Variants in WDR49 observed in about 807,000 individuals in gnomAD.
The protein encoded by WDR49 is cilia- and flagella-associated protein 337.
In WDR49, 107 loss-of-function variants were observed where a neutral mutation model predicts 119.5. The ratio of observed to expected loss-of-function variants is 0.90; its 90% CI spans 0.77 to 1.05. The LOEUF is 1.05. WDR49 is among the 50% of genes least tolerant of loss of function. WDR49 has a pLI of 0.00. For missense variants in WDR49, 1,240 were observed against 1,220.5 expected, an observed-to-expected ratio of 1.02 and a Z score of -0.24; for synonymous variants, 425 against 418.8, an observed-to-expected ratio of 1.01 and a Z score of -0.18.
chr3:167,609,810 G>A (rs868848938), intron 5 of WDR49, among the ~76,000 whole-genome samples: 4 of 152,152 alleles, frequency 2.6e-5, no homozygotes, highest in African/African-American at 9.7e-5. Flanking sequence ...GGAGAGGAGA[G>A]GGAAGAGTGG....
chr3:167,588,884 G>A (rs910282873), intron 7 of WDR49, among the ~76,000 whole-genome samples: 13 of 151,574 alleles, frequency 8.6e-5, no homozygotes, highest in Non-Finnish European at 1.5e-4. Flanking sequence ...CCGTTCTGTG[G>A]GTTGTTTCTT....
intron 9 of WDR49, among the ~76,000 whole-genome samples, chr3:167,558,820 GT>G (rs1446706306): frequency 1.3e-5 from 2 of 152,042 alleles, no homozygotes; most frequent in African/African-American, 4.8e-5. Context: ...AACCTAATCC[GT>G]TCACTCCAAT....
At chr3:167,551,580 C>T (rs970237999) in intron 10 of WDR49, among the ~76,000 whole-genome samples, 3 of 151,956 alleles carry the variant, frequency 2.0e-5, no homozygotes, top group Non-Finnish European at 2.9e-5. Flanking sequence ...TCTAACTCAG[C>T]GGCCTACTAA....
chr3:167,481,229 T>C (rs1326266450), intron 18 of WDR49, among the ~76,000 whole-genome samples: 2 of 152,174 alleles, frequency 1.3e-5, no homozygotes, highest in East Asian at 1.9e-4. Context: ...CCAAAAAATA[T>C]TGCCATTGCA....
chr3:167,500,212 A>C lies in WDR49; in HGVS notation c.2972T>G (p.Phe991Cys). ...PAFLLDPEKY[F>C]RKEPEEERPQ... ...ACGCTCTTCCTCTGGTTCTTTCCTA[A>C]AGTATTTCTCAGGGTCTAGAAGGAA... The change falls in exon 18 of 19, where the codon TTT (phenylalanine) becomes TGT (cysteine). Residue 991 changes from phenylalanine to cysteine, a missense_variant. Physicochemically the swap from Phe to Cys is radical, Grantham distance 205. Transcript: ENST00000682715. The C allele has an allele frequency of 6.3e-7, 1 of 1,596,628 alleles. No homozygotes were observed. The highest frequency in any genetic ancestry group is 8.5e-7 in the Non-Finnish European group (1 of 1,175,398).
intron 10 of WDR49, among the ~76,000 whole-genome samples, chr3:167,543,096 G>T (rs1442222604): frequency 6.6e-6 from 1 of 151,556 alleles, no homozygotes; most frequent in Non-Finnish European, 1.5e-5. Context: ...AAATCGGGAA[G>T]AAATAGAAAC....
Position 167,604,168 on chromosome 3 carries a change from C to T in WDR49, c.1126+133G>A, listed in dbSNP as rs1560308790. On this transcript the variant is annotated intron_variant, in intron 6 of 18. Transcript: ENST00000682715. ...TGCATCATTATCAGACATTCTCAGG[C>T]AGTAAAATGTGAGCTTCTCGAGATG... 7.1e-6 allele frequency: 7 copies of T among 992,666 alleles called. No homozygotes were observed. The East Asian group carries it at 1.6e-4, about 22-fold the overall frequency. The allele number at this position is 992,666 out of a possible 1,614,324, so 61.5% of individuals were successfully genotyped here. A position where few individuals can be genotyped will look rare whatever the true frequency, so the allele number is the denominator to read the frequency against.
chr3:167,585,746 A>G (rs1433849767), intron 7 of WDR49, among the ~76,000 whole-genome samples: 1 of 151,954 alleles, frequency 6.6e-6, no homozygotes, highest in Non-Finnish European at 1.5e-5. Flanking sequence ...TTATAATGAC[A>G]TATTATTATA....
intron 15 of WDR49, among the ~76,000 whole-genome samples, chr3:167,526,722 C>T (rs984861326): frequency 1.3e-5 from 2 of 152,132 alleles, no homozygotes; most frequent in Non-Finnish European, 2.9e-5. Context: ...TTACCAACAC[C>T]CTCTGCATCC....
At chr3:167,535,325 A>G (rs1458883045) in intron 11 of WDR49, among the ~76,000 whole-genome samples, 1 of 152,018 alleles carries the variant, frequency 6.6e-6, no homozygotes, top group Non-Finnish European at 1.5e-5. Context: ...GGGAGAAGAT[A>G]GTTGCAAACT....
Position 167,516,354 on chromosome 3 carries a change from G to GT in WDR49, c.2774+5960dup, listed in dbSNP as rs573257772. Among the ~76,000 whole-genome samples, 802 of 150,536 alleles carry GT rather than the reference G, an allele frequency of 5.3e-3. 8 individuals carry two copies. The highest frequency in any genetic ancestry group is 9.3e-3 in the Non-Finnish European group (634 of 67,816). ...TATGAGTGAGAACATGTGGTGTTTGGTTTTTTGTCCTTGCAATAGTTTGCT... is the reference window on the plus strand; with the variant it reads ...TATGAGTGAGAACATGTGGTGTTTGGTTTTTTTGTCCTTGCAATAGTTTGCT... On this transcript the variant is annotated intron_variant, in intron 16 of 18. Coordinates refer to ENST00000682715, the MANE Select transcript of WDR49 (RefSeq NM_001366157.1).
At chr3:167,652,837 T>G (rs990374544) in intron 2 of WDR49, among the ~76,000 whole-genome samples, 5 of 152,164 alleles carry the variant, frequency 3.3e-5, no homozygotes, top group African/African-American at 4.8e-5. Context: ...GGAAATTTTT[T>G]GCAAACTGGG....
intron 8 of WDR49, 42 bp downstream of exon 8, chr3:167,575,876 G>A: frequency 6.3e-7 from 1 of 1,585,984 alleles, no homozygotes; most frequent in Non-Finnish European, 8.6e-7. Context: ...CTCTGGACTT[G>A]GAGATATGTT....
Position 167,505,415 on chromosome 3 carries a change from C to A in WDR49, c.2776G>T (p.Val926Phe). ...KKNKDDSTYN[V>F]RPSEDINLDI... Reference sequence around the variant, plus strand: ...AAATTTATATCTTCTGATGGTCTGACACTGGAAGAAAATATTTCATGATGA... The same window carrying A: ...AAATTTATATCTTCTGATGGTCTGAAACTGGAAGAAAATATTTCATGATGA... Residue 926 changes from valine to phenylalanine, a missense_variant and splice_region_variant, in exon 17 of 19, where the codon GTC becomes TTC. Val to Phe is a conservative substitution (Grantham distance 50). Transcript: ENST00000682715. 1 of 1,511,488 alleles carries A rather than the reference C, an allele frequency of 6.6e-7. No individual in the cohort carries two copies. The highest frequency in any genetic ancestry group is 8.8e-7 in the Non-Finnish European group (1 of 1,139,222). The allele number at this position is 1,511,488 out of a possible 1,614,324, so 93.6% of individuals were successfully genotyped here. A position where few individuals can be genotyped will look rare whatever the true frequency, so the allele number is the denominator to read the frequency against.
chr3:167,618,289 C>T (rs1191632388), intron 5 of WDR49, among the ~76,000 whole-genome samples: 1 of 152,098 alleles, frequency 6.6e-6, no homozygotes, highest in East Asian at 1.9e-4. Context: ...AATAAGGTGA[C>T]TTGTGTTAGT....
intron 2 of WDR49, among the ~76,000 whole-genome samples, chr3:167,652,873 CTA>C (rs1718453433): frequency 6.6e-6 from 1 of 152,048 alleles, no homozygotes; most frequent in Non-Finnish European, 1.5e-5. Flanking sequence ...TTGCTGAGTT[CTA>C]TGTCCGTATT....
chr3:167,635,494 A>T lies in WDR49; in HGVS notation c.166-8202T>A, dbSNP rs532743307. Among the ~76,000 whole-genome samples the T allele has an allele frequency of 2.6e-3, 399 of 151,860 alleles. 1 individual carries two copies. Among genetic ancestry groups the T allele is most frequent in the African/African-American group, 9.2e-3 (383 of 41,506 alleles). Reference sequence around the variant, plus strand: ...CTGCCAACCCTTAGAAATGTTGTTTATATTTTTGTGCCCTCTTTCCAATAG... The same window carrying T: ...CTGCCAACCCTTAGAAATGTTGTTTTTATTTTTGTGCCCTCTTTCCAATAG... On this transcript the variant is annotated intron_variant, in intron 2 of 18. Coordinates refer to ENST00000682715, the MANE Select transcript of WDR49 (RefSeq NM_001366157.1).
chr3:167,621,460 C>A lies in WDR49; in HGVS notation c.783+7G>T, dbSNP rs1475553952. The A allele has an allele frequency of 1.3e-6, 2 of 1,524,358 alleles. No individual in the cohort carries two copies. The highest frequency in any genetic ancestry group is 1.8e-6 in the Non-Finnish European group (2 of 1,140,744). The allele number at this position is 1,524,358 out of a possible 1,614,324, so 94.4% of individuals were successfully genotyped here. ...ATAGTATTCAATCTTAATCTACCCT[C>A]ACTTACCTTTCCAGTTATATCCCCA... On this transcript the variant is annotated splice_region_variant and intron_variant, in intron 4 of 18. Transcript: ENST00000682715.
intron 18 of WDR49, among the ~76,000 whole-genome samples, chr3:167,489,978 G>T (rs2108197663): frequency 6.6e-6 from 1 of 152,162 alleles, no homozygotes; most frequent in Middle Eastern, 3.4e-3. Context: ...TCTGGGGTGG[G>T]TCCTGAGATG....
Sources: gnomAD v4.1 joint callset for allele counts (sites outside exome capture counted in the v4.1 genomes callset) on GRCh38, gnomAD v4.1.1 for gene constraint, MANE v1.5 for transcripts, NCBI Gene and HGNC (gene_info 2026-07-23, HGNC 2026-07-21) for gene names.